Variants in USP36 observed in about 807,000 individuals in gnomAD.
The protein encoded by USP36 is ubiquitin carboxyl-terminal hydrolase 36.
A neutral mutation model predicts 111.5 loss-of-function variants in USP36; 59 were observed. That is an observed-to-expected ratio of 0.53 (90% confidence interval 0.43 to 0.66). The LOEUF (loss-of-function observed/expected upper bound fraction) is 0.66. Ranked by LOEUF, USP36 falls within the 30% of genes least tolerant of loss-of-function variation. The probability of loss-of-function intolerance (pLI) is 0.00; values close to 1 mark genes in which losing one functional copy is unlikely to be tolerated. For synonymous variants in USP36, 628 were observed against 581.0 expected (o/e 1.08, Z -1.16); for missense variants, 1,488 against 1,468.0 (o/e 1.01, Z -0.22).
rs751433991 is a variant in USP36 at position 78,812,986 on chromosome 17, C to A, written c.1281G>T (p.Lys427Asn). ...VLFYLRIPGS[K>N]KSPEGLISRT... The stretch of plus-strand genomic sequence containing the variant: ...TGGAGATGAGGCCCTCGGGACTTTT[C>A]TTAGAGCCTGGAATTCTGTCAAAGG... Residue 427 changes from lysine to asparagine, a missense_variant, in exon 13 of 21, where the codon AAG becomes AAT. Physicochemically the swap from Lys to Asn is moderately conservative, Grantham distance 94 (BLOSUM62 0). Transcript: ENST00000449938. The A allele has an allele frequency of 9.3e-6, 15 of 1,613,930 alleles. No individual in the cohort carries two copies. The highest frequency in any genetic ancestry group is 1.3e-5 in the Non-Finnish European group (15 of 1,179,992).
rs571308702 is a variant in USP36 at position 78,820,104 on chromosome 17, G to A, written c.829-92C>T. The A allele has an allele frequency of 8.8e-6, 12 of 1,356,448 alleles. No individual in the cohort carries two copies. The South Asian group carries it at 1.3e-4, about 15-fold the overall frequency. The allele number at this position is 1,356,448 out of a possible 1,614,324, so 84.0% of individuals were successfully genotyped here. A position where few individuals can be genotyped will look rare whatever the true frequency, so the allele number is the denominator to read the frequency against. On this transcript the variant is annotated intron_variant, in intron 8 of 20. Coordinates refer to ENST00000449938, the MANE Select transcript of USP36 (RefSeq NM_001385174.1). The stretch of plus-strand genomic sequence containing the variant: ...AATTTAAGGTCTTTTTTAGGCTGAG[G>A]CAGCAAATCACAGAACTTAGACTCG...
At position 78,813,098 on chromosome 17, in the gene USP36, C is replaced by T. The variant is rs1404368660; in HGVS notation, c.1266-97G>A. The T allele has an allele frequency of 4.0e-6, 6 of 1,504,740 alleles. No individual in the cohort carries two copies. In the Admixed American group the frequency reaches 7.4e-5, roughly 19 times the overall value. The allele number at this position is 1,504,740 out of a possible 1,614,324, so 93.2% of individuals were successfully genotyped here. ...TTAAGGCGGGGCAAAGGCAGAAACA[C>T]GGCCTGGGGAAACCCTGCCAGTCCT... On this transcript the variant is annotated intron_variant, in intron 12 of 20. Transcript: ENST00000449938.
intron 2 of USP36, among the ~76,000 whole-genome samples, chr17:78,838,371 C>CAAAAAAA (rs1195525371): frequency 2.0e-3 from 115 of 57,092 alleles, no homozygotes; most frequent in East Asian, 4.3e-3. Context: ...GACTTGGTCT[C>CAAAAAAA]AAAAAAAAAA....
At chr17:78,799,639 A>C in intron 18 of USP36, 28 bp downstream of exon 18, 1 of 1,605,786 alleles carries the variant, frequency 6.2e-7, no homozygotes, top group Non-Finnish European at 8.5e-7. Context: ...ATGAAAGGCA[A>C]ACAGAAGTCC....
intron 6 of USP36, chr17:78,826,808 G>A: frequency 2.4e-6 from 1 of 411,276 alleles, no homozygotes; most frequent in Non-Finnish European, 4.4e-6. Context: ...CTCCCTGTTT[G>A]TACATATACA....
chr17:78,840,130 T>C (rs1477057127), intron 1 of USP36, among the ~76,000 whole-genome samples: 4 of 151,872 alleles, frequency 2.6e-5, no homozygotes, highest in Admixed American at 2.6e-4. Context: ...CGAGCACCTC[T>C]CCCCGAGCAT....
upstream of USP36, chr17:78,840,994 G>A (rs1447575766): frequency 6.6e-6 from 1 of 152,194 alleles, no homozygotes. Context: ...CCCCATCACG[G>A]GACCCCGCCA....
Position 78,803,748 on chromosome 17 carries a change from A to G in USP36, c.2447T>C (p.Phe816Ser), listed in dbSNP as rs759610534. The G allele has an allele frequency of 6.5e-5, 105 of 1,612,412 alleles. No homozygotes were observed. The highest frequency in any genetic ancestry group is 8.6e-5 in the Non-Finnish European group (101 of 1,179,932). ...QSPSEKRKKT[F>S]VGEPQRLGSE... ...GCCCAGCCTCTGCGGCTCTCCCACA[A>G]AGGTCTTTTTCCTCTTCTCAGAGGG... Residue 816 changes from phenylalanine (F) to serine (S), a missense_variant, in exon 16 of 21, where the codon TTT becomes TCT. This residue lies in a region of USP36 where 1,073 missense variants were observed against 994.1 expected (regional missense o/e 1.08). Transcript: ENST00000449938. The surrounding 1 kb of genome is among the most constrained non-coding windows in gnomAD (Gnocchi z 4.6).
chr17:78,823,839 G>A (rs1256771907), intron 6 of USP36, among the ~76,000 whole-genome samples: 1 of 152,206 alleles, frequency 6.6e-6, no homozygotes, highest in Non-Finnish European at 1.5e-5. Context: ...CCATGAAAGT[G>A]CACTGCACGG....
At position 78,807,158 on chromosome 17, in the gene USP36, G is replaced by A. The variant is rs186001931; in HGVS notation, c.1886C>T (p.Thr629Ile). 38 of 1,614,110 alleles carry A rather than the reference G, an allele frequency of 2.4e-5. No homozygotes were observed. In the African/African-American group the frequency reaches 4.5e-4, roughly 19 times the overall value. The change falls in exon 14 of 21, where the codon ACC becomes ATC. Residue 629 changes from threonine (T) to isoleucine (I), a missense_variant. Thr to Ile is a moderately conservative substitution (Grantham distance 89, BLOSUM62 -1). This residue lies in a region of USP36 where 1,073 missense variants were observed against 994.1 expected (regional missense o/e 1.08). Coordinates refer to ENST00000449938, the MANE Select transcript of USP36 (RefSeq NM_001385174.1). Reference protein sequence around the residue: ...ASSDSTKAPQTPRSGAAHLCD... With the variant: ...ASSDSTKAPQIPRSGAAHLCD... ...GAGATGGGCCGCTCCACTCCTGGGG[G>A]TCTGGGGGGCCTTGGTGGAGTCGCT...
Position 78,789,142 on chromosome 17 carries a change from A to G in USP36, c.*21-1484T>C, listed in dbSNP as rs920756470. On this transcript the variant is annotated intron_variant, in intron 3 of 3. Coordinates refer to the USP36 transcript ENST00000588130. ...AACCTGGGAGGCAGAGGTTGCAGTG[A>G]GTCGAGATTGCGCCATTGCACCCCA... Among the ~76,000 whole-genome samples, 3 of 139,314 alleles carry G rather than the reference A, an allele frequency of 2.2e-5. No individual in the cohort carries two copies. The South Asian group carries it at 7.2e-4, about 34-fold the overall frequency. The allele number at this position is 139,314 out of a possible 152,430, so 91.4% of individuals were successfully genotyped here. A position where few individuals can be genotyped will look rare whatever the true frequency, so the allele number is the denominator to read the frequency against.
chr17:78,820,752 C>A (rs563165997), intron 8 of USP36, among the ~76,000 whole-genome samples: 1 of 152,322 alleles, frequency 6.6e-6, no homozygotes, highest in East Asian at 1.9e-4. Flanking sequence ...TGTTCCTGTT[C>A]ATGCTTCAGG....
At chr17:78,795,179 G>A (rs1156978688), downstream of USP36, among the ~76,000 whole-genome samples, 2 of 152,184 alleles carry the variant, frequency 1.3e-5, no homozygotes. This position sits in a 1 kb window ranked among gnomAD's most constrained non-coding sequence, Gnocchi z 4.5. Context: ...AGGCCTCTGG[G>A]TCAGCAGTGT....
rs746494320 is a variant in USP36 at position 78,802,548 on chromosome 17, G to A, written c.2811-13C>T. ...CATGGGAGAGCAGCTGCTTGGAAGT[G>A]AGAGGCAGCAGTCAGCTCTGAGCAA... On this transcript the variant is annotated splice_polypyrimidine_tract_variant and intron_variant, in intron 16 of 20. Coordinates refer to ENST00000449938, the MANE Select transcript of USP36 (RefSeq NM_001385174.1). 6.3e-7 allele frequency: 1 copy of A among 1,599,436 alleles called. No homozygotes were observed. The highest frequency in any genetic ancestry group is 8.5e-7 in the Non-Finnish European group (1 of 1,178,258).
downstream of USP36, among the ~76,000 whole-genome samples, chr17:78,793,919 T>A (rs184796856): frequency 1.3e-5 from 2 of 152,262 alleles, no homozygotes; most frequent in Non-Finnish European, 2.9e-5. Context: ...ACTGGTAAGA[T>A]GCCAACACGT....
Position 78,810,390 on chromosome 17 carries a change from T to G in USP36, c.1407+2470A>C, listed in dbSNP as rs150583152. Among the ~76,000 whole-genome samples, 12 of 152,228 alleles carry G rather than the reference T, an allele frequency of 7.9e-5. No individual in the cohort carries two copies. In the East Asian group the frequency reaches 2.1e-3, roughly 27 times the overall value. On this transcript the variant is annotated intron_variant, in intron 13 of 20. Coordinates refer to ENST00000449938, the MANE Select transcript of USP36 (RefSeq NM_001385174.1). ...CCAGCCTTAATCTCCCTGGCTCAAG[T>G]GATCCTCCCACCTCAGCCTCCTGAG...
chr17:78,815,902 A>G (rs1268278981), intron 10 of USP36, among the ~76,000 whole-genome samples: 1 of 152,166 alleles, frequency 6.6e-6, no homozygotes, highest in Admixed American at 6.6e-5. Flanking sequence ...ACATACATGC[A>G]CGCACACATG....
At chr17:78,818,588 T>G in intron 10 of USP36, 79 bp downstream of exon 10, 1 of 1,277,186 alleles carries the variant, frequency 7.8e-7, no homozygotes, top group South Asian at 1.2e-5. Context: ...ATCAAACTCG[T>G]GGCTATCACT....
chr17:78,823,962 C>A (rs1008148224), intron 6 of USP36, among the ~76,000 whole-genome samples: 1 of 152,174 alleles, frequency 6.6e-6, no homozygotes, highest in African/African-American at 2.4e-5. Context: ...CAGCAATGAA[C>A]AAGAATCAAA....
Sources: gnomAD v4.1 joint callset for allele counts (sites outside exome capture counted in the v4.1 genomes callset) on GRCh38, gnomAD v4.1.1 for gene constraint, gnomAD v4.1.1 regional missense constraint, Gnocchi (gnomAD v3.1) non-coding constraint, MANE v1.5 for transcripts, NCBI Gene and HGNC (gene_info 2026-07-23, HGNC 2026-07-21) for gene names.